Variants in DLG2 observed in about 807,000 individuals in gnomAD.
The protein encoded by DLG2 is disks large homolog 2.
A neutral mutation model predicts 132.5 loss-of-function variants in DLG2; 45 were observed. The ratio of observed to expected loss-of-function variants is 0.34; its 90% confidence interval spans 0.27 to 0.44. The LOEUF (loss-of-function observed/expected upper bound fraction) is 0.44, where lower values mean the gene tolerates loss of function less well. DLG2 is among the 20% of genes least tolerant of loss of function. The pLI, the probability that DLG2 is intolerant of heterozygous loss-of-function variation, is 1.00. For missense variants in DLG2, 1,045 were observed against 1,196.9 expected (o/e 0.87, Z 1.87); for synonymous variants, 424 against 419.6 (o/e 1.01, Z -0.13).
chr11:84,212,925 T>C (rs2096775799), intron 8 of DLG2, among the ~76,000 whole-genome samples: 1 of 152,210 alleles, frequency 6.6e-6, no homozygotes, highest in South Asian at 2.1e-4. Context: ...CCTAAAGTAC[T>C]GGGATTACAG....
At chr11:85,261,527 G>T (rs2076941469) in intron 4 of DLG2, among the ~76,000 whole-genome samples, 1 of 152,042 alleles carries the variant, frequency 6.6e-6, no homozygotes. Context: ...CAGACCCCGT[G>T]GGCCATTGTC....
At chr11:84,566,652 T>A in intron 6 of DLG2, among the ~76,000 whole-genome samples, 1 of 152,172 alleles carries the variant, frequency 6.6e-6, no homozygotes, top group East Asian at 1.9e-4. Flanking sequence ...TCTGTCACAA[T>A]GTGACTAACT....
intron 21 of DLG2, among the ~76,000 whole-genome samples, chr11:83,505,750 G>C (rs1371782364): frequency 1.3e-5 from 2 of 152,148 alleles, no homozygotes; most frequent in African/African-American, 2.4e-5. Context: ...TCTAAGTTCT[G>C]CCCACTGGGA....
chr11:84,416,214 C>T (rs183756612), intron 7 of DLG2, among the ~76,000 whole-genome samples: 3 of 152,154 alleles, frequency 2.0e-5, no homozygotes, highest in East Asian at 1.9e-4. Context: ...ATAAAGTCCA[C>T]AATATTACTT....
At chr11:84,669,243 G>C (rs2099703153) in intron 6 of DLG2, among the ~76,000 whole-genome samples, 2 of 152,090 alleles carry the variant, frequency 1.3e-5, no homozygotes, top group South Asian at 4.1e-4. Context: ...AGAACCATCA[G>C]TATGCTTGGT....
At chr11:84,908,800 CAT>C (rs1004254793) in intron 6 of DLG2, among the ~76,000 whole-genome samples, 26 of 150,920 alleles carry the variant, frequency 1.7e-4, no homozygotes, top group African/African-American at 5.8e-4. Context: ...TGTTGAAAAA[CAT>C]ATGTTGAAAG....
chr11:83,519,582 C>G (rs1411307161), intron 21 of DLG2, among the ~76,000 whole-genome samples: 1 of 152,098 alleles, frequency 6.6e-6, no homozygotes, highest in East Asian at 1.9e-4. Flanking sequence ...TCATGGGATT[C>G]TTGTGAAGAT....
chr11:84,213,676 T>C (rs1270422418), intron 8 of DLG2, among the ~76,000 whole-genome samples: 1 of 151,586 alleles, frequency 6.6e-6, no homozygotes, highest in South Asian at 2.1e-4. Context: ...AAAATTAGAC[T>C]GGCGTGGTGG....
At chr11:83,669,541 C>T (rs1434083780) in intron 18 of DLG2, among the ~76,000 whole-genome samples, 1 of 152,152 alleles carries the variant, frequency 6.6e-6, no homozygotes, top group Non-Finnish European at 1.5e-5. Flanking sequence ...ATCCCTTGAC[C>T]TTTCAAACTT....
At chr11:84,771,828 C>T (rs559700017) in intron 6 of DLG2, among the ~76,000 whole-genome samples, 6 of 152,034 alleles carry the variant, frequency 3.9e-5, no homozygotes, top group Non-Finnish European at 5.9e-5. Context: ...AAATGCCTCA[C>T]GTAAAATGCA....
chr11:84,168,791 T>C (rs940394136), intron 8 of DLG2, among the ~76,000 whole-genome samples: 1 of 149,720 alleles, frequency 6.7e-6, no homozygotes, highest in African/African-American at 2.5e-5. Flanking sequence ...CACACCACCA[T>C]CAAATGCCAC....
rs571099247 is a variant in DLG2, at chr11:84,312,909, A to G, written c.520-61618T>C. On this transcript the variant is annotated intron_variant, in intron 7 of 27. Transcript: ENST00000376104. ...ACTGTAACCTCCACCTCCTGGGTTC[A>G]AGAGATTCTCCTGCCTCAGCCTCCC... 1.3e-4 allele frequency among the ~76,000 whole-genome samples: 20 copies of G among 152,164 alleles called. No individual in the cohort carries two copies. In the East Asian group the frequency reaches 3.9e-3, roughly 30 times the overall value.
chr11:84,560,261 G>A (rs76026916), intron 6 of DLG2, among the ~76,000 whole-genome samples: 1,969 of 152,162 alleles, frequency 0.013, 42 homozygotes, highest in African/African-American at 0.045. Flanking sequence ...AAAAATTGCT[G>A]TTGACTATTA....
intron 6 of DLG2, among the ~76,000 whole-genome samples, chr11:85,033,413 T>C (rs1251150202): frequency 6.8e-6 from 1 of 146,492 alleles, no homozygotes; most frequent in Non-Finnish European, 1.5e-5. Context: ...AAAAAATTCA[T>C]ACAAGCATCT....
intron 17 of DLG2, among the ~76,000 whole-genome samples, chr11:83,793,663 G>T (rs1721963887): frequency 6.6e-6 from 1 of 152,114 alleles, no homozygotes; most frequent in South Asian, 2.1e-4. Flanking sequence ...GTAACCTGGG[G>T]AAGTCACTTA....
At chr11:84,567,866 C>T (rs1009798824) in intron 6 of DLG2, among the ~76,000 whole-genome samples, 1 of 152,202 alleles carries the variant, frequency 6.6e-6, no homozygotes, top group Non-Finnish European at 1.5e-5. Flanking sequence ...TGTGGCTCTA[C>T]ACAACTGAAT....
At chr11:84,184,078 TG>T (rs2096216905) in intron 8 of DLG2, among the ~76,000 whole-genome samples, 1 of 152,186 alleles carries the variant, frequency 6.6e-6, no homozygotes, top group Non-Finnish European at 1.5e-5. Context: ...TATAATCCTT[TG>T]GGTATATACC....
intron 5 of DLG2, chr11:85,133,252 T>C (rs2075874380): frequency 6.4e-6 from 1 of 157,270 alleles, no homozygotes; most frequent in Admixed American, 6.2e-5. Context: ...TTTGTTGCCT[T>C]CCTTTCTTAC....
chr11:83,821,271 T>C (rs1220221926), intron 17 of DLG2, among the ~76,000 whole-genome samples: 1 of 152,166 alleles, frequency 6.6e-6, no homozygotes, highest in African/African-American at 2.4e-5. Context: ...TATGAGCAAT[T>C]TGCTGTTAGA....
Sources: gnomAD v4.1 joint callset for allele counts (sites outside exome capture counted in the v4.1 genomes callset) on GRCh38, gnomAD v4.1.1 for gene constraint, MANE v1.5 for transcripts, NCBI Gene and HGNC (gene_info 2026-07-23, HGNC 2026-07-21) for gene names.